ADAMTS6: variants seen among roughly 807,000 people sequenced by gnomAD.
The protein encoded by ADAMTS6 is A disintegrin and metalloproteinase with thrombospondin motifs 6.
A neutral mutation model predicts 144.3 loss-of-function variants in ADAMTS6; 23 were observed. The ratio of observed to expected loss-of-function variants is 0.16; its 90% confidence interval spans 0.11 to 0.23. The LOEUF is 0.23. Ranked by LOEUF, ADAMTS6 falls within the 10% of genes least tolerant of loss-of-function variation. The probability of loss-of-function intolerance (pLI) is 1.00; values close to 1 mark genes in which losing one functional copy is unlikely to be tolerated. For missense variants in ADAMTS6, 999 were observed against 1,379.6 expected (o/e 0.72, Z 4.37); for synonymous variants, 444 against 457.5 (o/e 0.97, Z 0.38).
chr5:65,306,321 CTT>C (rs757487591), intron 9 of ADAMTS6, among the ~76,000 whole-genome samples: 9 of 152,190 alleles, frequency 5.9e-5, no homozygotes, highest in South Asian at 2.1e-4. Flanking sequence ...CAAGGACACT[CTT>C]AAGTGAAAAT....
At chr5:65,450,084 A>G (rs577263835) in intron 7 of ADAMTS6, among the ~76,000 whole-genome samples, 2 of 152,272 alleles carry the variant, frequency 1.3e-5, no homozygotes, top group Admixed American at 6.5e-5. Flanking sequence ...CATATTTTTT[A>G]ACAGAAAGGT....
intron 4 of ADAMTS6, among the ~76,000 whole-genome samples, chr5:65,455,535 C>T (rs187767348): frequency 2.1e-3 from 316 of 151,764 alleles, no homozygotes; most frequent in Middle Eastern, 0.02. Context: ...GGGCGAAACT[C>T]CATCTCAAAA....
At chr5:65,429,944 G>A (rs1371555876) in intron 7 of ADAMTS6, among the ~76,000 whole-genome samples, 4 of 151,854 alleles carry the variant, frequency 2.6e-5, no homozygotes, top group African/African-American at 7.3e-5. Flanking sequence ...AACAATTAAG[G>A]TGTACCAGAA....
chr5:65,215,705 A>T (rs1414115754), intron 18 of ADAMTS6, among the ~76,000 whole-genome samples: 1 of 152,224 alleles, frequency 6.6e-6, no homozygotes, highest in Non-Finnish European at 1.5e-5. Context: ...GAAAGCAACG[A>T]AAGGTTAACC....
At chr5:65,326,688 A>T (rs1217047831) in intron 9 of ADAMTS6, among the ~76,000 whole-genome samples, 1 of 152,174 alleles carries the variant, frequency 6.6e-6, no homozygotes, top group Non-Finnish European at 1.5e-5. Flanking sequence ...CTCATAAAGG[A>T]TACAAGTCAC....
chr5:65,373,663 G>A (rs966928938), intron 7 of ADAMTS6, among the ~76,000 whole-genome samples: 311 of 152,150 alleles, frequency 2.0e-3, no homozygotes, highest in Non-Finnish European at 3.7e-3. Context: ...ATTCACAGCC[G>A]AATTCTACCA....
intron 11 of ADAMTS6, among the ~76,000 whole-genome samples, chr5:65,278,283 T>C (rs139550272): frequency 7.9e-5 from 12 of 152,316 alleles, no homozygotes; most frequent in African/African-American, 2.4e-4. Flanking sequence ...CTGCTATAAA[T>C]ATACATATAC....
intron 7 of ADAMTS6, among the ~76,000 whole-genome samples, chr5:65,445,940 A>T (rs990301490): frequency 6.6e-6 from 1 of 152,196 alleles, no homozygotes; most frequent in African/African-American, 2.4e-5. Flanking sequence ...TAGAAAGATG[A>T]ACTATATGAT....
intron 7 of ADAMTS6, among the ~76,000 whole-genome samples, chr5:65,358,494 A>G (rs1455296948): frequency 6.6e-6 from 1 of 152,120 alleles, no homozygotes; most frequent in Non-Finnish European, 1.5e-5. Flanking sequence ...CCAAACTTCC[A>G]ATGACATTTT....
intron 11 of ADAMTS6, among the ~76,000 whole-genome samples, chr5:65,279,421 A>G (rs1023144846): frequency 2.0e-5 from 3 of 152,098 alleles, no homozygotes; most frequent in Non-Finnish European, 2.9e-5. Context: ...GGTTCAAGCA[A>G]ATCTCCTGCC....
At chr5:65,220,345 AG>A (rs1419860603) in intron 18 of ADAMTS6, among the ~76,000 whole-genome samples, 5 of 152,234 alleles carry the variant, frequency 3.3e-5, no homozygotes, top group Non-Finnish European at 7.3e-5. Context: ...CTTGTTTTAT[AG>A]CAGAAAAAAG....
At chr5:65,275,354 A>AGAAAGAAAGAAG (rs1762392761) in intron 11 of ADAMTS6, among the ~76,000 whole-genome samples, 1 of 7,070 alleles carries the variant, frequency 1.4e-4, no homozygotes, top group Non-Finnish European at 3.4e-4. Flanking sequence ...AAGAAAGAAG[A>AGAAAGAAAGAAG]GAAAGAAAGA....
intron 20 of ADAMTS6, among the ~76,000 whole-genome samples, chr5:65,205,128 A>C (rs1355271812): frequency 2.6e-5 from 4 of 151,844 alleles, no homozygotes; most frequent in African/African-American, 7.3e-5. Flanking sequence ...AAAAAAAAAA[A>C]CAACAACTGG....
intron 11 of ADAMTS6, among the ~76,000 whole-genome samples, chr5:65,280,528 T>C (rs1355844923): frequency 6.6e-6 from 1 of 152,100 alleles, no homozygotes; most frequent in African/African-American, 2.4e-5. Context: ...TATCTTTAAA[T>C]ATGAGAAAGC....
At chr5:65,192,292 T>C (rs1755064287) in intron 21 of ADAMTS6, among the ~76,000 whole-genome samples, 1 of 152,076 alleles carries the variant, frequency 6.6e-6, no homozygotes, top group African/African-American at 2.4e-5. Context: ...TTGTATATAT[T>C]TGCCCAATTA....
intron 7 of ADAMTS6, among the ~76,000 whole-genome samples, chr5:65,435,492 A>C (rs779348698): frequency 6.6e-6 from 1 of 152,142 alleles, no homozygotes; most frequent in Admixed American, 6.5e-5. Flanking sequence ...ATAATACTAT[A>C]AGAATGTTAA....
chr5:65,398,222 G>T (rs969493917), intron 7 of ADAMTS6, among the ~76,000 whole-genome samples: 59 of 152,268 alleles, frequency 3.9e-4, no homozygotes, highest in African/African-American at 9.1e-4. Context: ...TGATAGAGGG[G>T]TGCTGAAGTC....
chr5:65,195,680 C>T (rs1755298534), intron 21 of ADAMTS6, among the ~76,000 whole-genome samples: 1 of 152,226 alleles, frequency 6.6e-6, no homozygotes, highest in Admixed American at 6.5e-5. Context: ...TGTAGCTCCA[C>T]TCTAGTCATT....
chr5:65,432,970 A>G (rs1174478271), intron 7 of ADAMTS6, among the ~76,000 whole-genome samples: 1 of 152,050 alleles, frequency 6.6e-6, no homozygotes. Flanking sequence ...CATATATCCT[A>G]TAATTCTTTA....
Sources: gnomAD v4.1 joint callset for allele counts (sites outside exome capture counted in the v4.1 genomes callset) on GRCh38, gnomAD v4.1.1 for gene constraint, MANE v1.5 for transcripts, NCBI Gene and HGNC (gene_info 2026-07-23, HGNC 2026-07-21) for gene names.